The following USP12 variants were observed in gnomAD, a reference collection of about 807,000 sequenced individuals.
USP12 encodes ubiquitin specific peptidase 12.
In USP12, 19 loss-of-function variants were observed where a neutral mutation model predicts 45.5. The observed-to-expected ratio is 0.42, with a 90% CI of 0.29 to 0.61. The LOEUF is 0.61. Ranked by LOEUF, USP12 falls within the 20% of genes least tolerant of loss-of-function variation. The pLI is 0.22. For missense variants in USP12, 242 were observed against 447.7 expected (o/e 0.54, Z 4.15); for synonymous variants, 149 against 148.8 (o/e 1.00, Z -0.01).
Position 27,066,902 on chromosome 13 carries a change from C to T in USP12, c.*2381G>A, listed in dbSNP as rs756346475. 4 of 152,138 alleles carry T rather than the reference C, an allele frequency of 2.6e-5. No homozygotes were observed. The highest frequency in any genetic ancestry group is 4.1e-4 in the South Asian group (2 of 4,832). The allele number at this position is 152,138 out of a possible 1,614,324, so 9.4% of individuals were successfully genotyped here. On this transcript the variant is annotated 3_prime_UTR_variant, in exon 9 of 9. Transcript: ENST00000282344. The stretch of plus-strand genomic sequence containing the variant: ...TTTTTCCCCCAACCCTGACCCTATA[C>T]GTTTTAAAAGTACATTTAGTTTCTG...
At chr13:27,116,960 G>A (rs74041199) in intron 1 of USP12, among the ~76,000 whole-genome samples, 2,519 of 152,104 alleles carry the variant, frequency 0.017, 81 homozygotes, top group African/African-American at 0.057. Flanking sequence ...ATGGCCTAAC[G>A]ATACATTTCT....
intron 1 of USP12, among the ~76,000 whole-genome samples, chr13:27,147,024 A>G (rs1877338094): frequency 6.6e-6 from 1 of 152,258 alleles, no homozygotes. Context: ...AGCCTGGGGC[A>G]GATCCTTCTC....
intron 1 of USP12, among the ~76,000 whole-genome samples, chr13:27,148,610 G>C (rs1877416076): frequency 6.7e-6 from 1 of 148,628 alleles, no homozygotes; most frequent in African/African-American, 2.5e-5. Flanking sequence ...GGAGGCGGAG[G>C]TTGCAGTGAG....
At chr13:27,070,414 G>C (rs576585722) in intron 8 of USP12, among the ~76,000 whole-genome samples, 1 of 152,182 alleles carries the variant, frequency 6.6e-6, no homozygotes, top group East Asian at 1.9e-4. Flanking sequence ...TGTGAGTATG[G>C]CCATGTGTGT....
At chr13:27,166,974 C>T (rs1195482449) in intron 1 of USP12, among the ~76,000 whole-genome samples, 1 of 152,146 alleles carries the variant, frequency 6.6e-6, no homozygotes, top group Non-Finnish European at 1.5e-5. Context: ...ATAATGATAA[C>T]ATGATAATCA....
At chr13:27,071,978 C>T (rs1428646495) in intron 7 of USP12, among the ~76,000 whole-genome samples, 1 of 152,046 alleles carries the variant, frequency 6.6e-6, no homozygotes, top group African/African-American at 2.4e-5. Flanking sequence ...TTATGGTGAA[C>T]ACTATTTTAA....
chr13:27,101,097 A>G (rs560859234), intron 3 of USP12, among the ~76,000 whole-genome samples: 12 of 152,354 alleles, frequency 7.9e-5, no homozygotes, highest in Admixed American at 2.0e-4. Flanking sequence ...AATACCTCCA[A>G]TGACTTGAAT....
In USP12 at chr13:27,123,388, G is replaced by A. The variant is rs191668611; in HGVS notation, c.49-6792C>T. ...TTCATTAAAACATTAAATATACAAT[G>A]TTGGATAGTCTATTAAAAGTCAAAC... On this transcript the variant is annotated intron_variant, in intron 1 of 8. Coordinates refer to ENST00000282344, the MANE Select transcript of USP12 (RefSeq NM_182488.4). 1.3e-3 allele frequency among the ~76,000 whole-genome samples: 195 copies of A among 152,248 alleles called. 1 individual carries two copies. Among genetic ancestry groups the A allele is most frequent in the African/African-American group, 4.5e-3 (185 of 41,556 alleles).
chr13:27,119,303 C>T lies in USP12; in HGVS notation c.49-2707G>A, dbSNP rs147708842. The stretch of plus-strand genomic sequence containing the variant: ...GCAGACAAGAGCCAATTCCATGAAG[C>T]GGCCCCCAGAGGTATCATCACTGTA... On this transcript the variant is annotated intron_variant, in intron 1 of 8. Coordinates refer to ENST00000282344, the MANE Select transcript of USP12 (RefSeq NM_182488.4). Among the ~76,000 whole-genome samples the T allele has an allele frequency of 3.8e-3, 572 of 152,256 alleles. 1 individual carries two copies. Among genetic ancestry groups the T allele is most frequent in the African/African-American group, 0.013 (546 of 41,534 alleles).
intron 1 of USP12, among the ~76,000 whole-genome samples, chr13:27,131,118 C>T (rs1876480283): frequency 6.6e-6 from 1 of 152,214 alleles, no homozygotes. Flanking sequence ...ATATGTTAAA[C>T]ACAATTTGAA....
chr13:27,087,752 T>TA (rs2137768242), intron 6 of USP12, among the ~76,000 whole-genome samples: 1 of 152,136 alleles, frequency 6.6e-6, no homozygotes, highest in East Asian at 1.9e-4. Context: ...AGGAAAGAAA[T>TA]ACTGGAGAAT....
At chr13:27,111,283 T>C (rs777546267) in intron 2 of USP12, among the ~76,000 whole-genome samples, 6 of 152,198 alleles carry the variant, frequency 3.9e-5, no homozygotes, top group Non-Finnish European at 7.4e-5. Context: ...TTAACTTTCA[T>C]TCAAGGTCCT....
intron 1 of USP12, among the ~76,000 whole-genome samples, chr13:27,126,358 C>T (rs534412169): frequency 1.4e-4 from 21 of 152,180 alleles, no homozygotes; most frequent in Non-Finnish European, 3.1e-4. Context: ...GGACCTCCAG[C>T]AAACTCCAAC....
chr13:27,171,495 T>G (rs1878614844), intron 1 of USP12, 97 bp downstream of exon 1: 12 of 89,552 alleles, frequency 1.3e-4, no homozygotes, highest in Non-Finnish European at 2.5e-4. Flanking sequence ...GCCCCGGCGC[T>G]AGGCCCCGCG....
chr13:27,154,501 A>G (rs1335938567), intron 1 of USP12, among the ~76,000 whole-genome samples: 1 of 152,216 alleles, frequency 6.6e-6, no homozygotes, highest in African/African-American at 2.4e-5. Context: ...ACTAGAACAG[A>G]TAACCACGTC....
At chr13:27,103,552 A>G (rs1414698591) in intron 3 of USP12, among the ~76,000 whole-genome samples, 1 of 149,924 alleles carries the variant, frequency 6.7e-6, no homozygotes, top group Non-Finnish European at 1.5e-5. Context: ...TGTGTTACCA[A>G]TTCAATCTGC....
At chr13:27,071,317 G>A (rs540805970) in intron 7 of USP12, among the ~76,000 whole-genome samples, 168 bp from the exon 8 acceptor site, 13 of 152,168 alleles carry the variant, frequency 8.5e-5, no homozygotes, top group African/African-American at 3.1e-4. Context: ...AAGCTACACT[G>A]AGTTGAACTG....
chr13:27,072,976 A>G (rs1277778629), intron 7 of USP12, among the ~76,000 whole-genome samples: 2 of 152,184 alleles, frequency 1.3e-5, no homozygotes, highest in Non-Finnish European at 2.9e-5. Flanking sequence ...TGAGCAAATT[A>G]TTTTCTGTTT....
At chr13:27,119,796 T>A (rs998684227) in intron 1 of USP12, among the ~76,000 whole-genome samples, 1 of 152,256 alleles carries the variant, frequency 6.6e-6, no homozygotes, top group East Asian at 1.9e-4. Flanking sequence ...AAATGAGAAG[T>A]ACAAAGAAAG....
Sources: gnomAD v4.1 joint callset for allele counts (sites outside exome capture counted in the v4.1 genomes callset) on GRCh38, gnomAD v4.1.1 for gene constraint, MANE v1.5 for transcripts, NCBI Gene and HGNC (gene_info 2026-07-23, HGNC 2026-07-21) for gene names.